The following RELN variants were observed in gnomAD, a reference collection of about 807,000 sequenced individuals.
RELN encodes reelin.
Under a neutral mutation model 427.6 loss-of-function variants are expected in RELN, and 108 were observed. The ratio of observed to expected loss-of-function variants is 0.25; its 90% CI spans 0.22 to 0.30. The LOEUF is 0.30. Among genes scored for constraint, RELN ranks in the 10% least tolerant of loss-of-function variants. RELN has a pLI of 1.00. For missense variants in RELN, 3,715 were observed against 4,302.8 expected (o/e 0.86, Z 3.82); for synonymous variants, 1,524 against 1,513.4 (o/e 1.01, Z -0.16).
At chr7:103,586,696 A>C (rs1347050743) in intron 28 of RELN, among the ~76,000 whole-genome samples, 1 of 152,246 alleles carries the variant, frequency 6.6e-6, no homozygotes, top group Non-Finnish European at 1.5e-5. Flanking sequence ...GTTTAAGGAC[A>C]CAAAATAAAC....
chr7:103,930,608 G>A (rs1160674774), intron 1 of RELN, among the ~76,000 whole-genome samples: 6 of 152,028 alleles, frequency 3.9e-5, no homozygotes, highest in Admixed American at 3.9e-4. Context: ...GGGACTACAG[G>A]TGCACACCAC....
chr7:103,878,952 A>G (rs948886047), intron 2 of RELN, among the ~76,000 whole-genome samples: 2 of 152,204 alleles, frequency 1.3e-5, no homozygotes, highest in Non-Finnish European at 2.9e-5. Flanking sequence ...GAGTGAAGTC[A>G]TAACTCAGGC....
intron 60 of RELN, among the ~76,000 whole-genome samples, chr7:103,487,738 G>T (rs1828495510): frequency 6.6e-6 from 1 of 152,178 alleles, no homozygotes; most frequent in South Asian, 2.1e-4. Context: ...TTCCTAGCAT[G>T]ATTTGTTGTA....
At chr7:103,945,948 G>C (rs1320009425) in intron 1 of RELN, among the ~76,000 whole-genome samples, 1 of 152,184 alleles carries the variant, frequency 6.6e-6, no homozygotes, top group African/African-American at 2.4e-5. Flanking sequence ...ATCTAAGTTT[G>C]TAAGTGCCGT....
Position 103,749,461 on chromosome 7 carries a change from G to A in RELN, c.621C>T (p.Asp207=), listed in dbSNP as rs114627891. 9.1e-4 allele frequency: 1,473 copies of A among 1,613,168 alleles called. 13 individuals carry two copies. The African/African-American group carries it at 0.018, about 20-fold the overall frequency. The change falls in exon 6 of 65, where the codon GAC becomes GAT. Residue 207 remains aspartate (D), a synonymous_variant. Coordinates refer to ENST00000428762, the MANE Select transcript of RELN (RefSeq NM_005045.4). ...SDSIILRDDF[D]SYHQLQLNPN... is the part of the protein sequence containing the mutation. Reference sequence around the variant, plus strand: ...GATTTAATTGCAGTTGGTGGTAGGAGTCAAAGTCATCTCTCAGGATAATGC... The same window carrying A: ...GATTTAATTGCAGTTGGTGGTAGGAATCAAAGTCATCTCTCAGGATAATGC...
chr7:103,585,696 C>T (rs1831254171), intron 28 of RELN, among the ~76,000 whole-genome samples: 1 of 152,060 alleles, frequency 6.6e-6, no homozygotes, highest in African/African-American at 2.4e-5. Context: ...GGGATTCTTT[C>T]CTAACTCAAT....
At chr7:103,492,181 T>C (rs191196119) in intron 57 of RELN, among the ~76,000 whole-genome samples, 155 bp from the exon 58 acceptor site, 4 of 152,338 alleles carry the variant, frequency 2.6e-5, no homozygotes, top group Admixed American at 6.5e-5. Flanking sequence ...TACATTCTTT[T>C]GGATTCTGTT....
At chr7:103,872,056 TTTTA>T (rs1214873618) in intron 2 of RELN, among the ~76,000 whole-genome samples, 1,556 of 146,376 alleles carry the variant, frequency 0.011, 29 homozygotes, top group African/African-American at 0.036. Flanking sequence ...TTTTTTCTTT[TTTTA>T]TTTATTTATT....
Position 103,872,069 on chromosome 7 carries a change from T to C in RELN, c.338-38397A>G, listed in dbSNP as rs192361271. On this transcript the variant is annotated intron_variant, in intron 2 of 64. Transcript: ENST00000428762. ...TTTTTTTTCTTTTTTTATTTATTTA[T>C]TTTTTTATTATACTTTAAGTTTTAG... is the stretch of plus-strand genomic sequence containing the variant. 2.6e-3 allele frequency among the ~76,000 whole-genome samples: 386 copies of C among 146,380 alleles called. 2 individuals are homozygous for C. Among genetic ancestry groups the C allele is most frequent in the African/African-American group, 9.1e-3 (358 of 39,228 alleles).
intron 2 of RELN, among the ~76,000 whole-genome samples, chr7:103,895,849 G>T (rs1205512400): frequency 1.3e-5 from 2 of 151,788 alleles, no homozygotes; most frequent in Non-Finnish European, 2.9e-5. Context: ...TGATAAATTA[G>T]AATTTATCAA....
intron 51 of RELN, chr7:103,504,279 A>C (rs1829135487): frequency 6.6e-6 from 1 of 152,240 alleles, no homozygotes; most frequent in South Asian, 2.1e-4. Context: ...AGAGGAAAAA[A>C]AGTAGAAATA....
At chr7:103,829,256 G>T (rs959707161) in intron 3 of RELN, among the ~76,000 whole-genome samples, 28 of 151,650 alleles carry the variant, frequency 1.8e-4, no homozygotes, top group Non-Finnish European at 3.1e-4. Context: ...AATTTTTAGG[G>T]TTAGACGGTT....
intron 7 of RELN, among the ~76,000 whole-genome samples, 182 bp from the exon 8 acceptor site, chr7:103,723,373 C>T (rs909645815): frequency 3.3e-5 from 5 of 152,154 alleles, no homozygotes; most frequent in South Asian, 4.1e-4. Context: ...AGACCTGTTT[C>T]TTCTTCCCCT....
intron 16 of RELN, among the ~76,000 whole-genome samples, chr7:103,649,338 T>G (rs967427583): frequency 1.3e-5 from 2 of 152,004 alleles, no homozygotes; most frequent in Non-Finnish European, 2.9e-5. Context: ...CTTAGAAAGT[T>G]GTAGACCACA....
At chr7:103,617,301 C>T (rs1327366653) in intron 20 of RELN, among the ~76,000 whole-genome samples, 1 of 152,052 alleles carries the variant, frequency 6.6e-6, no homozygotes, top group Non-Finnish European at 1.5e-5. Context: ...TATTCCCTTG[C>T]TTCAAATTTG....
intron 20 of RELN, among the ~76,000 whole-genome samples, chr7:103,615,751 T>C (rs1376997528): frequency 1.3e-5 from 2 of 152,150 alleles, no homozygotes; most frequent in Non-Finnish European, 2.9e-5. Flanking sequence ...TCCCAAAGAA[T>C]GTTTGTTAAA....
At position 103,949,377 on chromosome 7, in the gene RELN, G is replaced by A. The variant is rs533054568; in HGVS notation, c.227-32192C>T. Among the ~76,000 whole-genome samples the A allele has an allele frequency of 4.9e-3, 517 of 106,186 alleles. 4 individuals are homozygous for A. The highest frequency in any genetic ancestry group is 0.019 in the African/African-American group (501 of 26,498). The allele number at this position is 106,186 out of a possible 152,430, so 69.7% of individuals were successfully genotyped here. ...CCATCCAAATTTGGATTAAAACTTT[G>A]AACTTAAAAAAAAAAACAATCTTAA... On this transcript the variant is annotated intron_variant, in intron 1 of 64. Coordinates refer to ENST00000428762, the MANE Select transcript of RELN (RefSeq NM_005045.4).
intron 1 of RELN, among the ~76,000 whole-genome samples, chr7:103,939,104 G>A (rs1284197285): frequency 1.3e-5 from 2 of 151,810 alleles, no homozygotes; most frequent in African/African-American, 2.4e-5. Context: ...CCGCCACCAC[G>A]CCTGGCTAAT....
intron 51 of RELN, among the ~76,000 whole-genome samples, chr7:103,508,221 G>A (rs1037277581): frequency 1.3e-5 from 2 of 152,132 alleles, no homozygotes; most frequent in Non-Finnish European, 2.9e-5. Flanking sequence ...ACCTGGCAGA[G>A]ACACCACAAA....
Sources: allele counts gnomAD v4.1 joint callset (sites outside exome capture counted in the v4.1 genomes callset), GRCh38; gene constraint gnomAD v4.1.1; transcripts MANE v1.5; gene names NCBI Gene and HGNC (gene_info 2026-07-23, HGNC 2026-07-21).